RGPD2: variants seen among roughly 807,000 people sequenced by gnomAD.
RGPD2 encodes the protein RANBP2 like and GRIP domain containing 2, also known as RANBP2-like and GRIP domain-containing protein 2.
Under a neutral mutation model 36.0 loss-of-function variants are expected in RGPD2, and 2 were observed. The ratio of observed to expected loss-of-function variants is 0.06; its 90% confidence interval spans 0.02 to 0.17. The LOEUF (loss-of-function observed/expected upper bound fraction) is 0.17, where lower values mean the gene tolerates loss of function less well. RGPD2 is among the 10% of genes least tolerant of loss of function. The pLI is 1.00. For missense variants in RGPD2, 40 were observed against 464.3 expected (o/e 0.09, Z 8.40); for synonymous variants, 19 against 163.8 (o/e 0.12, Z 6.75).
At chr2:87,849,421 G>A in the RGPD2 span, among the ~76,000 whole-genome samples, 1 of 152,108 alleles carries the variant, frequency 6.6e-6, no homozygotes, top group Non-Finnish European at 1.5e-5. Context: ...ACTCACTCCA[G>A]GAAATAATTG....
chr2:87,857,676 C>T, the RGPD2 span, among the ~76,000 whole-genome samples: 15 of 151,616 alleles, frequency 9.9e-5, no homozygotes, highest in South Asian at 6.2e-4. Context: ...CGGTGTCTCA[C>T]GCCTGTAATC....
At chr2:87,939,442 G>C in the RGPD2 span, among the ~76,000 whole-genome samples, 3 of 151,912 alleles carry the variant, frequency 2.0e-5, no homozygotes, top group Non-Finnish European at 2.9e-5. Context: ...ACTGAACTTA[G>C]AGCCTCAATG....
At chr2:87,938,025 G>C in the RGPD2 span, among the ~76,000 whole-genome samples, 1 of 151,844 alleles carries the variant, frequency 6.6e-6, no homozygotes, top group Non-Finnish European at 1.5e-5. Flanking sequence ...TATGTGGGAA[G>C]TAAGGGATTG....
At chr2:87,830,368 A>G (rs1317172295), upstream of RGPD2, among the ~76,000 whole-genome samples, 1 of 152,214 alleles carries the variant, frequency 6.6e-6, no homozygotes, top group East Asian at 1.9e-4. Flanking sequence ...TCTACATCTG[A>G]GACCACCTCA....
the RGPD2 span, among the ~76,000 whole-genome samples, chr2:87,836,115 G>A: frequency 1.8e-4 from 28 of 152,138 alleles, no homozygotes; most frequent in East Asian, 4.6e-3. Context: ...TCATATCCAG[G>A]AAACTCAGAT....
the RGPD2 span, among the ~76,000 whole-genome samples, chr2:87,853,318 G>T: frequency 2.0e-5 from 3 of 152,100 alleles, no homozygotes; most frequent in Non-Finnish European, 4.4e-5. Context: ...GAACTCTCAC[G>T]CTCAACTGTT....
At chr2:87,857,518 A>G in the RGPD2 span, among the ~76,000 whole-genome samples, 18 of 151,370 alleles carry the variant, frequency 1.2e-4, no homozygotes, top group Non-Finnish European at 2.7e-4. Flanking sequence ...AATTTTTTGT[A>G]TTTTTAGTAG....
At chr2:87,865,157 G>A in the RGPD2 span, among the ~76,000 whole-genome samples, 3 of 151,456 alleles carry the variant, frequency 2.0e-5, no homozygotes, top group African/African-American at 7.3e-5. Context: ...ATAATATCTG[G>A]AATACCTCAG....
the RGPD2 span, among the ~76,000 whole-genome samples, chr2:87,833,061 C>T: frequency 2.4e-3 from 372 of 151,856 alleles, 17 homozygotes; most frequent in East Asian, 0.067. Flanking sequence ...AGTCATTAAT[C>T]GAATGAAAAT....
chr2:87,830,866 G>T, the RGPD2 span, among the ~76,000 whole-genome samples: 1 of 152,070 alleles, frequency 6.6e-6, no homozygotes. Context: ...CTTCCTGCTT[G>T]GTGTCTCCCA....
the RGPD2 span, among the ~76,000 whole-genome samples, chr2:87,870,645 T>TA: frequency 5.9e-5 from 9 of 152,210 alleles, no homozygotes; most frequent in African/African-American, 2.2e-4. Context: ...CTCTTCCTTC[T>TA]AGGCCTTGTT....
the RGPD2 span, among the ~76,000 whole-genome samples, chr2:87,839,079 AACAG>A: frequency 0.026 from 3,500 of 136,694 alleles, no homozygotes; most frequent in East Asian, 0.049. Context: ...CAACAGAAAA[AACAG>A]ACAATCTACA....
the RGPD2 span, among the ~76,000 whole-genome samples, chr2:87,897,575 T>C: frequency 7.3e-4 from 111 of 151,866 alleles, 1 homozygote; most frequent in South Asian, 0.022. Context: ...ACCCATCACA[T>C]AGGTATTAAG....
chr2:87,911,718 T>A, the RGPD2 span, among the ~76,000 whole-genome samples: 1 of 152,186 alleles, frequency 6.6e-6, no homozygotes, highest in South Asian at 2.1e-4. Context: ...GCTATGTGAA[T>A]TTACATTAAA....
the RGPD2 span, among the ~76,000 whole-genome samples, chr2:87,839,667 A>T: frequency 6.6e-6 from 1 of 152,084 alleles, no homozygotes; most frequent in Non-Finnish European, 1.5e-5. Context: ...GAATTAATGC[A>T]GAAAAAGAAA....
At chr2:87,847,647 T>C in the RGPD2 span, among the ~76,000 whole-genome samples, 3 of 151,686 alleles carry the variant, frequency 2.0e-5, no homozygotes, top group African/African-American at 7.3e-5. Context: ...CACAGGTGCA[T>C]GCCATCACGC....
At chr2:87,927,224 A>G in the RGPD2 span, among the ~76,000 whole-genome samples, 3 of 131,312 alleles carry the variant, frequency 2.3e-5, no homozygotes, top group Non-Finnish European at 5.0e-5. Flanking sequence ...ATCACCTCCC[A>G]TAATTGTTAA....
rs1168430441 is a variant in RGPD2 at position 87,825,746 on chromosome 2, C to G, written c.-17G>C. The G allele has an allele frequency of 6.3e-7, 1 of 1,591,550 alleles. No individual in the cohort carries two copies. The highest frequency in any genetic ancestry group is 8.6e-7 in the Non-Finnish European group (1 of 1,169,548). ...GCGCCTCATCGCACCGCCAACCTGG[C>G]TCCCGAGACGCGTGAAACCAGCGCT... On this transcript the variant is annotated 5_prime_UTR_variant, in exon 1 of 23. Transcript: ENST00000398146.
At chr2:87,973,768 T>C in the RGPD2 span, among the ~76,000 whole-genome samples, 2 of 150,878 alleles carry the variant, frequency 1.3e-5, no homozygotes, top group Non-Finnish European at 3.0e-5. Flanking sequence ...CTTTGTGATC[T>C]TGGGAAATTT....
Sources: allele counts gnomAD v4.1 joint callset (sites outside exome capture counted in the v4.1 genomes callset), GRCh38; gene constraint gnomAD v4.1.1; transcripts MANE v1.5; gene names NCBI Gene and HGNC (gene_info 2026-07-23, HGNC 2026-07-21).